Variants in COL21A1 observed in about 807,000 individuals in gnomAD.
COL21A1 encodes the protein collagen type XXI alpha 1 chain.
In COL21A1, 149 loss-of-function variants were observed where a neutral mutation model predicts 137.9. The ratio of observed to expected loss-of-function variants is 1.08; its 90% confidence interval spans 0.95 to 1.24. The LOEUF is 1.24. COL21A1 is among the 50% of genes most tolerant of loss of function. COL21A1 has a pLI of 0.00. For missense variants in COL21A1, 1,167 were observed against 1,158.4 expected, an observed-to-expected ratio of 1.01 and a Z score of -0.11; for synonymous variants, 456 against 391.5, an observed-to-expected ratio of 1.16 and a Z score of -1.95.
At chr6:56,185,680 C>A (rs534470697) in intron 1 of COL21A1, among the ~76,000 whole-genome samples, 1 of 152,026 alleles carries the variant, frequency 6.6e-6, no homozygotes, top group Non-Finnish European at 1.5e-5. Flanking sequence ...CATGATCCAC[C>A]CGCCTCGGCC....
intron 17 of COL21A1, among the ~76,000 whole-genome samples, chr6:56,089,919 T>A (rs1048865770): frequency 1.3e-5 from 2 of 152,154 alleles, no homozygotes; most frequent in Non-Finnish European, 2.9e-5. Context: ...CGTTAATGCT[T>A]ATCAGTGGTT....
chr6:56,295,715 T>C (rs906776517), intron 1 of COL21A1, among the ~76,000 whole-genome samples: 1 of 151,816 alleles, frequency 6.6e-6, no homozygotes, highest in Non-Finnish European at 1.5e-5. Flanking sequence ...TAGTATTATA[T>C]TTTTAACTTT....
At position 56,296,345 on chromosome 6, in the gene COL21A1, G is replaced by A. The variant is rs546188082; in HGVS notation, c.-39+97626C>T. ...CAGCAAGGGCATTTTCCAGTCTTCA[G>A]TGAAAACTATATTTAAGCAAAACAA... On this transcript the variant is annotated intron_variant, in intron 1 of 28. Coordinates refer to the COL21A1 transcript ENST00000370819. Among the ~76,000 whole-genome samples, 10 of 152,034 alleles carry A rather than the reference G, an allele frequency of 6.6e-5. No individual in the cohort carries two copies. In the East Asian group the frequency reaches 1.9e-3, roughly 29 times the overall value.
At chr6:56,338,083 C>T (rs1185009832) in intron 1 of COL21A1, among the ~76,000 whole-genome samples, 1 of 151,592 alleles carries the variant, frequency 6.6e-6, no homozygotes, top group Non-Finnish European at 1.5e-5. Context: ...CTGCCTCATC[C>T]TCCCAAGTAG....
intron 16 of COL21A1, among the ~76,000 whole-genome samples, chr6:56,117,471 C>A (rs1683851531): frequency 1.3e-5 from 2 of 151,876 alleles, no homozygotes; most frequent in South Asian, 4.1e-4. Context: ...GTGATAGACC[C>A]CAATACAATA....
At chr6:56,325,317 ATATATTATATATAT>A (rs1357246391) in intron 1 of COL21A1, among the ~76,000 whole-genome samples, 11 of 586 alleles carry the variant, frequency 0.019, 3 homozygotes, top group African/African-American at 0.02. Flanking sequence ...TATATATATT[ATATATTATATATAT>A]TATATATTAT....
intron 1 of COL21A1, among the ~76,000 whole-genome samples, chr6:56,224,270 A>C (rs1455664314): frequency 6.6e-6 from 1 of 152,254 alleles, no homozygotes; most frequent in Admixed American, 6.6e-5. Context: ...GCCAACACCT[A>C]TAAAACTGTA....
chr6:56,252,864 T>C (rs1782884602), intron 1 of COL21A1, among the ~76,000 whole-genome samples: 1 of 152,162 alleles, frequency 6.6e-6, no homozygotes, highest in Non-Finnish European at 1.5e-5. Flanking sequence ...AGAAAAGATA[T>C]ACCATTTCCC....
intron 1 of COL21A1, among the ~76,000 whole-genome samples, chr6:56,342,747 A>G (rs926646051): frequency 1.9e-4 from 29 of 152,242 alleles, no homozygotes; most frequent in African/African-American, 6.8e-4. Context: ...GAAGGCATGG[A>G]TGCTTTGTAA....
intron 17 of COL21A1, among the ~76,000 whole-genome samples, chr6:56,087,134 G>A (rs963856822): frequency 3.3e-5 from 5 of 151,942 alleles, no homozygotes; most frequent in Non-Finnish European, 5.9e-5. Flanking sequence ...TCTCTTTTGT[G>A]ATTTCCCTGA....
chr6:56,180,929 G>A (rs1288019695), intron 2 of COL21A1, among the ~76,000 whole-genome samples: 1 of 152,120 alleles, frequency 6.6e-6, no homozygotes, highest in Non-Finnish European at 1.5e-5. Flanking sequence ...TCCCAACTCT[G>A]GGCCTTTGCA....
intron 3 of COL21A1, among the ~76,000 whole-genome samples, chr6:56,173,372 AGGAAAGGGAAAG>A (rs1274205550): frequency 6.6e-6 from 1 of 150,942 alleles, no homozygotes; most frequent in Non-Finnish European, 1.5e-5. Context: ...AATGAGACAA[AGGAAAGGGAAAG>A]GAGAAGGGGA....
At chr6:56,324,965 G>T (rs1298464288) in intron 1 of COL21A1, among the ~76,000 whole-genome samples, 1 of 151,612 alleles carries the variant, frequency 6.6e-6, no homozygotes, top group Non-Finnish European at 1.5e-5. Context: ...AAGATGAAGG[G>T]TCACAAAGAA....
chr6:56,311,961 G>A (rs9349816), intron 1 of COL21A1, among the ~76,000 whole-genome samples: 78,771 of 152,072 alleles, frequency 0.52, 23,036 homozygotes, highest in Non-Finnish European at 0.68. Context: ...AGGACTGAAG[G>A]TTTGCGGTAG....
intron 1 of COL21A1, among the ~76,000 whole-genome samples, chr6:56,390,330 T>A (rs1581803756): frequency 1.3e-5 from 2 of 152,186 alleles, no homozygotes; most frequent in African/African-American, 4.8e-5. Flanking sequence ...TGAAAACATA[T>A]AACAGAGACA....
Position 56,206,227 on chromosome 6 carries a change from T to A in COL21A1, c.-38-23571A>T, listed in dbSNP as rs544173991. 6.0e-5 allele frequency among the ~76,000 whole-genome samples: 9 copies of A among 150,484 alleles called. No homozygotes were observed. In the East Asian group the frequency reaches 1.8e-3, roughly 29 times the overall value. On this transcript the variant is annotated intron_variant, in intron 1 of 29. Coordinates refer to ENST00000244728, the MANE Select transcript of COL21A1 (RefSeq NM_030820.4). ...AGTCAAGACCCATCAGTGTGCTGTA[T>A]CCAGGAGATCCAACTAATGTGCAAA...
intron 1 of COL21A1, among the ~76,000 whole-genome samples, chr6:56,297,037 T>C (rs12213867): frequency 0.31 from 46,438 of 151,972 alleles, 7,612 homozygotes; most frequent in Non-Finnish European, 0.36. Context: ...AGCAGAACTT[T>C]TGTTGTAGCT....
intron 1 of COL21A1, among the ~76,000 whole-genome samples, chr6:56,335,659 T>C (rs1197037518): frequency 1.3e-5 from 2 of 152,148 alleles, no homozygotes; most frequent in African/African-American, 2.4e-5. Context: ...GTTTTCCCAC[T>C]CCTCTGCCTG....
rs191249911 is a variant in COL21A1, at chr6:56,192,345, C to G, written c.-38-9689G>C. Among the ~76,000 whole-genome samples the G allele has an allele frequency of 1.2e-3, 180 of 152,160 alleles. 1 individual carries two copies. The highest frequency in any genetic ancestry group is 4.1e-3 in the African/African-American group (172 of 41,506). ...CAATGGCAACAAATGCTAAAATTGA[C>G]AAATGGGATCTAATTAAACTAAAGA... On this transcript the variant is annotated intron_variant, in intron 1 of 29. Coordinates refer to ENST00000244728, the MANE Select transcript of COL21A1 (RefSeq NM_030820.4).
Sources: allele counts gnomAD v4.1 joint callset (sites outside exome capture counted in the v4.1 genomes callset), GRCh38; gene constraint gnomAD v4.1.1; transcripts MANE v1.5; gene names NCBI Gene and HGNC (gene_info 2026-07-23, HGNC 2026-07-21).